Variants in APAF1 observed in about 807,000 individuals in gnomAD.
APAF1 encodes the protein apoptotic protease-activating factor 1.
Under a neutral mutation model 152.4 loss-of-function variants are expected in APAF1, and 91 were observed. That is an observed-to-expected ratio of 0.60 (90% confidence interval 0.50 to 0.71). The LOEUF (loss-of-function observed/expected upper bound fraction) is 0.71, where lower values mean the gene tolerates loss of function less well. Among genes scored for constraint, APAF1 ranks in the 30% least tolerant of loss-of-function variants. The pLI, the probability that APAF1 is intolerant of heterozygous loss-of-function variation, is 0.00. For synonymous variants in APAF1, 484 were observed against 494.1 expected, an observed-to-expected ratio of 0.98 and a Z score of 0.27; for missense variants, 1,283 against 1,472.0, an observed-to-expected ratio of 0.87 and a Z score of 2.10.
At chr12:98,731,002 G>C (rs574401264) in intron 26 of APAF1, among the ~76,000 whole-genome samples, 1 of 152,180 alleles carries the variant, frequency 6.6e-6, no homozygotes, top group Non-Finnish European at 1.5e-5. Flanking sequence ...GGAATACATG[G>C]TGATAAATGG....
chr12:98,659,018 G>A (rs2097661298), intron 4 of APAF1, 142 bp from the exon 5 acceptor site: 11 of 782,546 alleles, frequency 1.4e-5, no homozygotes, highest in East Asian at 5.2e-5. Flanking sequence ...TATCTTGCAC[G>A]TAAAATTTCT....
intron 4 of APAF1, 46 bp from the exon 5 acceptor site, chr12:98,659,114 T>G (rs760882230): frequency 1.3e-6 from 2 of 1,553,620 alleles, no homozygotes; most frequent in South Asian, 1.1e-5. Flanking sequence ...TTTAAAGGAG[T>G]ACTCCTGTTG....
intron 19 of APAF1, among the ~76,000 whole-genome samples, chr12:98,708,086 A>G (rs761176384): frequency 5.9e-5 from 9 of 152,204 alleles, no homozygotes; most frequent in Non-Finnish European, 8.8e-5. Context: ...AGCTGGGACC[A>G]CAGGTGCACA....
At chr12:98,689,149 A>G (rs2097701300) in intron 16 of APAF1, among the ~76,000 whole-genome samples, 1 of 152,126 alleles carries the variant, frequency 6.6e-6, no homozygotes, top group Admixed American at 6.5e-5. Flanking sequence ...ATGCCATAGT[A>G]TAAACTGTAG....
At chr12:98,721,698 C>T (rs1300292099) in intron 22 of APAF1, among the ~76,000 whole-genome samples, 1 of 152,178 alleles carries the variant, frequency 6.6e-6, no homozygotes, top group African/African-American at 2.4e-5. Flanking sequence ...AGACCCCATG[C>T]TCCTGATATC....
intron 3 of APAF1, 84 bp from the exon 4 acceptor site, chr12:98,649,403 C>T: frequency 6.6e-7 from 1 of 1,504,050 alleles, no homozygotes; most frequent in East Asian, 2.3e-5. Flanking sequence ...TAAGCCTCAG[C>T]TTTGCTCTTT....
At chr12:98,712,485 T>G in intron 21 of APAF1, 50 bp downstream of exon 21, 1 of 1,030,478 alleles carries the variant, frequency 9.7e-7, no homozygotes, top group African/African-American at 1.6e-5. Context: ...TAAATAAAAC[T>G]AATTATATGT....
Position 98,715,435 on chromosome 12 carries a change from A to C in APAF1, c.2967A>C (p.Glu989Asp), listed in dbSNP as rs768199255. The part of the protein sequence containing the change: ...GDENGAIEIL[E>D]LVNNRIFQSR... Reference sequence around the variant, plus strand: ...GTTTTTCTGCTTTGAAGATTTTAGAACTTGTAAACAATAGAATCTTCCAGT... The same window carrying C: ...GTTTTTCTGCTTTGAAGATTTTAGACCTTGTAAACAATAGAATCTTCCAGT... The change falls in exon 22 of 27, where the codon GAA (glutamate) becomes GAC (aspartate). Residue 989 changes from glutamate (E) to aspartate (D), a missense_variant. Physicochemically the swap from Glu to Asp is conservative, Grantham distance 45. Coordinates refer to ENST00000551964, the MANE Select transcript of APAF1 (RefSeq NM_181861.2). 1 of 1,613,236 alleles carries C rather than the reference A, an allele frequency of 6.2e-7. No individual in the cohort carries two copies. Among genetic ancestry groups the C allele is most frequent in the Non-Finnish European group, 8.5e-7 (1 of 1,179,632 alleles).
chr12:98,690,429 A>C (rs1002629499), intron 16 of APAF1, among the ~76,000 whole-genome samples: 4 of 152,214 alleles, frequency 2.6e-5, no homozygotes, highest in African/African-American at 9.7e-5. Flanking sequence ...GGATTTAGGC[A>C]GCCCTCCTTT....
rs141521987 is a variant in APAF1 at position 98,700,829 on chromosome 12, G to A, written c.2466+1260G>A. Among the ~76,000 whole-genome samples, 599 of 152,120 alleles carry A rather than the reference G, an allele frequency of 3.9e-3. 13 individuals carry two copies. The highest frequency in any genetic ancestry group is 1.2e-3 in the Non-Finnish European group (82 of 67,978). ...TAATGTAATCTGCGAATTTGCCTAG[G>A]TATTTCATATAAATGGAATCATATA... On this transcript the variant is annotated intron_variant, in intron 17 of 26. Coordinates refer to ENST00000551964, the MANE Select transcript of APAF1 (RefSeq NM_181861.2).
At chr12:98,694,951 T>G (rs1383136215) in intron 16 of APAF1, among the ~76,000 whole-genome samples, 1 of 150,422 alleles carries the variant, frequency 6.6e-6, no homozygotes, top group Non-Finnish European at 1.5e-5. Flanking sequence ...CTCGGCTCAC[T>G]GCAAGATGGT....
At chr12:98,699,380 T>C in intron 16 of APAF1, 28 bp from the exon 17 acceptor site, 1 of 1,608,368 alleles carries the variant, frequency 6.2e-7, no homozygotes, top group Non-Finnish European at 8.5e-7. Context: ...AAAACAAACT[T>C]TTTCTTTTTT....
Position 98,734,407 on chromosome 12 carries a change from A to G in APAF1, c.*1841A>G, listed in dbSNP as rs142293344. 4.5e-4 allele frequency: 68 copies of G among 152,362 alleles called. 1 individual carries two copies. Among genetic ancestry groups the G allele is most frequent in the African/African-American group, 1.6e-3 (65 of 41,586 alleles). The allele number at this position is 152,362 out of a possible 1,614,324, so 9.4% of individuals were successfully genotyped here. ...AAATATATTATTAAGGGCAATGGAG[A>G]TAAATTAATAGTAGATGTGGTTCCC... is the stretch of plus-strand genomic sequence containing the variant. On this transcript the variant is annotated 3_prime_UTR_variant, in exon 27 of 27. Transcript: ENST00000551964.
intron 22 of APAF1, among the ~76,000 whole-genome samples, chr12:98,721,074 A>G (rs1387475166): frequency 6.6e-6 from 1 of 152,240 alleles, no homozygotes; most frequent in East Asian, 1.9e-4. Context: ...ATAGTCAATG[A>G]TAGAGACATC....
intron 16 of APAF1, among the ~76,000 whole-genome samples, chr12:98,688,407 TTCTGCATCTCTTCTTA>T (rs1404861462): frequency 6.6e-6 from 1 of 152,182 alleles, no homozygotes. Context: ...CTAAGATGCA[TTCTGCATCTCTTCTTA>T]TCTAAGTTCA....
intron 12 of APAF1, among the ~76,000 whole-genome samples, chr12:98,674,934 T>C (rs527944604): frequency 1.3e-5 from 2 of 152,330 alleles, no homozygotes; most frequent in South Asian, 2.1e-4. Context: ...TGAACTCATG[T>C]TTCAGTTAGT....
At chr12:98,723,333 GT>G in intron 23 of APAF1, 21 bp downstream of exon 23, 1 of 1,609,778 alleles carries the variant, frequency 6.2e-7, no homozygotes. Flanking sequence ...GTATAAATTT[GT>G]TTTTTGAAAA....
At chr12:98,718,527 C>T (rs1374406171) in intron 22 of APAF1, among the ~76,000 whole-genome samples, 3 of 152,110 alleles carry the variant, frequency 2.0e-5, no homozygotes, top group African/African-American at 2.4e-5. Flanking sequence ...CCACCGTGCC[C>T]GGCCTTCTTT....
chr12:98,670,911 G>A (rs1173874671), intron 10 of APAF1, 62 bp from the exon 11 acceptor site: 3 of 941,900 alleles, frequency 3.2e-6, no homozygotes, highest in Admixed American at 3.4e-5. Context: ...GGTTAATGAT[G>A]TTATACCTAA....
Sources: gnomAD v4.1 joint callset for allele counts (sites outside exome capture counted in the v4.1 genomes callset) on GRCh38, gnomAD v4.1.1 for gene constraint, MANE v1.5 for transcripts, NCBI Gene and HGNC (gene_info 2026-07-23, HGNC 2026-07-21) for gene names.